CPED1: variants seen among roughly 807,000 people sequenced by gnomAD.
The protein encoded by CPED1 is cadherin-like and PC-esterase domain-containing protein 1.
A neutral mutation model predicts 128.2 loss-of-function variants in CPED1; 114 were observed. That is an observed-to-expected ratio of 0.89 (90% CI 0.76 to 1.04). The LOEUF (loss-of-function observed/expected upper bound fraction) is 1.04, where lower values mean the gene tolerates loss of function less well. CPED1 is among the 50% of genes least tolerant of loss of function. CPED1 has a pLI of 0.00. For synonymous variants in CPED1, 462 were observed against 426.7 expected (o/e 1.08, Z -1.02); for missense variants, 1,211 against 1,207.1 (o/e 1.00, Z -0.05).
At chr7:121,136,806 G>A (rs35758028) in intron 14 of CPED1, among the ~76,000 whole-genome samples, 51,103 of 151,930 alleles carry the variant, frequency 0.34, 8,975 homozygotes, top group Middle Eastern at 0.49. Flanking sequence ...GGGAGGCCAA[G>A]GCAGGGGGAT....
intron 7 of CPED1, among the ~76,000 whole-genome samples, chr7:121,115,221 T>G (rs1319942017): frequency 6.6e-6 from 1 of 152,188 alleles, no homozygotes; most frequent in Non-Finnish European, 1.5e-5. Flanking sequence ...AGATGCTAAA[T>G]CATGAACTTT....
At chr7:121,088,245 T>C (rs757530789) in intron 5 of CPED1, among the ~76,000 whole-genome samples, 164 of 152,166 alleles carry the variant, frequency 1.1e-3, no homozygotes, top group Non-Finnish European at 1.5e-3. Context: ...TGGGTTAGCG[T>C]ATGTTAAATT....
chr7:121,128,235 T>G (rs986856256), intron 10 of CPED1, 147 bp from the exon 11 acceptor site: 12 of 569,722 alleles, frequency 2.1e-5, no homozygotes, highest in Admixed American at 6.0e-5. Context: ...TGTGACAAGT[T>G]GAAGTTGCTA....
chr7:121,079,561 C>T (rs1281441230), intron 5 of CPED1, among the ~76,000 whole-genome samples: 1 of 152,218 alleles, frequency 6.6e-6, no homozygotes, highest in East Asian at 1.9e-4. Flanking sequence ...AGACCAGGCT[C>T]ACTTAGCCAA....
At chr7:121,187,708 G>C (rs1027568776) in intron 16 of CPED1, among the ~76,000 whole-genome samples, 31 of 152,242 alleles carry the variant, frequency 2.0e-4, no homozygotes, top group African/African-American at 7.2e-4. Flanking sequence ...GGTTATAGAA[G>C]AGTTGAGAAG....
chr7:121,193,589 G>A (rs1041439575), intron 16 of CPED1, among the ~76,000 whole-genome samples: 1 of 152,050 alleles, frequency 6.6e-6, no homozygotes, highest in Admixed American at 6.6e-5. Context: ...ATTCTAAAGA[G>A]TGGGCCAGAA....
At chr7:121,104,344 T>TAA (rs1316460991) in intron 7 of CPED1, among the ~76,000 whole-genome samples, 1 of 152,162 alleles carries the variant, frequency 6.6e-6, no homozygotes, top group Non-Finnish European at 1.5e-5. Flanking sequence ...ATGTCTGTCT[T>TAA]AAAACACAGG....
intron 16 of CPED1, among the ~76,000 whole-genome samples, chr7:121,156,619 A>G (rs572036441): frequency 6.6e-6 from 1 of 152,202 alleles, no homozygotes; most frequent in Non-Finnish European, 1.5e-5. Context: ...ACGTTCATAT[A>G]TGTGAGCTAA....
intron 5 of CPED1, among the ~76,000 whole-genome samples, chr7:121,088,278 T>C (rs113126885): frequency 7.5e-4 from 114 of 152,284 alleles, no homozygotes; most frequent in African/African-American, 2.5e-3. Flanking sequence ...TTCATACGTA[T>C]GTATATTCAT....
Position 121,288,401 on chromosome 7 carries a change from G to A in CPED1, c.2869-7039G>A, listed in dbSNP as rs573333094. ...ATATGGGAGCATTGACCCTATAAAA[G>A]TCATTAGCCTGGTCCTCAGAAGCTA... On this transcript the variant is annotated intron_variant, in intron 22 of 22. Coordinates refer to ENST00000310396, the MANE Select transcript of CPED1 (RefSeq NM_024913.5). 2.0e-3 allele frequency among the ~76,000 whole-genome samples: 307 copies of A among 152,282 alleles called. 1 individual carries two copies. The highest frequency in any genetic ancestry group is 7.1e-3 in the African/African-American group (296 of 41,552).
intron 16 of CPED1, among the ~76,000 whole-genome samples, chr7:121,223,317 G>A (rs779084532): frequency 9.2e-5 from 14 of 152,176 alleles, no homozygotes; most frequent in East Asian, 7.7e-4. Context: ...CAACTTGATC[G>A]TGATGGATAA....
intron 5 of CPED1, among the ~76,000 whole-genome samples, chr7:121,085,608 G>A (rs1488235435): frequency 6.6e-6 from 1 of 152,064 alleles, no homozygotes; most frequent in African/African-American, 2.4e-5. Flanking sequence ...GGCTTCTCTT[G>A]CCATCTACCT....
intron 5 of CPED1, among the ~76,000 whole-genome samples, chr7:121,066,305 C>T (rs1793829485): frequency 6.6e-6 from 1 of 151,908 alleles, no homozygotes; most frequent in Non-Finnish European, 1.5e-5. Context: ...TGTGTGACTT[C>T]AGGGGTTTTT....
At chr7:121,266,844 T>C (rs1052285332) in intron 20 of CPED1, 36 bp downstream of exon 20, 1 of 1,492,034 alleles carries the variant, frequency 6.7e-7, no homozygotes, top group Non-Finnish European at 9.3e-7. Flanking sequence ...ATTAGTATTC[T>C]AAGTCAAAAA....
intron 2 of CPED1, among the ~76,000 whole-genome samples, chr7:120,998,480 A>G (rs1796447848): frequency 6.6e-6 from 1 of 152,204 alleles, no homozygotes; most frequent in African/African-American, 2.4e-5. Flanking sequence ...TGTCTGGCAG[A>G]TAGAAAGCAC....
At chr7:121,262,838 T>C (rs1792047559) in intron 18 of CPED1, among the ~76,000 whole-genome samples, 1 of 152,090 alleles carries the variant, frequency 6.6e-6, no homozygotes, top group Non-Finnish European at 1.5e-5. Context: ...TATTTTCAAA[T>C]TGTGTGATAT....
intron 9 of CPED1, 56 bp from the exon 10 acceptor site, chr7:121,127,034 A>G (rs1393121376): frequency 2.3e-6 from 3 of 1,281,786 alleles, no homozygotes; most frequent in Non-Finnish European, 3.2e-6. Context: ...AAGTAATTCC[A>G]TTGTCTTAAA....
intron 7 of CPED1, among the ~76,000 whole-genome samples, chr7:121,107,361 G>A (rs1795003886): frequency 6.6e-6 from 1 of 152,024 alleles, no homozygotes; most frequent in Non-Finnish European, 1.5e-5. Flanking sequence ...GCAAACAGGA[G>A]AACAAAAACC....
chr7:121,047,717 T>TCTTCTTCTTCTTCTTCTTCTTC (rs1276119777), intron 4 of CPED1, among the ~76,000 whole-genome samples: 7 of 88,966 alleles, frequency 7.9e-5, no homozygotes, highest in African/African-American at 3.4e-4. Context: ...TTCTTCTTCT[T>TCTTCTTCTTCTTCTTCTTCTTC]TTTTTTTTTT....
Sources: gnomAD v4.1 joint callset for allele counts (sites outside exome capture counted in the v4.1 genomes callset) on GRCh38, gnomAD v4.1.1 for gene constraint, MANE v1.5 for transcripts, NCBI Gene and HGNC (gene_info 2026-07-23, HGNC 2026-07-21) for gene names.